Variants in TMEM87A observed in about 807,000 individuals in gnomAD.
The protein encoded by TMEM87A is transmembrane protein 87A.
TMEM87A carries 50 observed loss-of-function variants against 90.0 expected under a neutral mutation model. That is an observed-to-expected ratio of 0.56 (90% CI 0.44 to 0.70). The LOEUF (loss-of-function observed/expected upper bound fraction) is 0.70, where lower values mean the gene tolerates loss of function less well. Ranked by LOEUF, TMEM87A falls within the 30% of genes least tolerant of loss-of-function variation. TMEM87A has a pLI of 0.00. For missense variants in TMEM87A, 577 were observed against 660.5 expected, an observed-to-expected ratio of 0.87 and a Z score of 1.39; for synonymous variants, 226 against 226.7, an observed-to-expected ratio of 1.00 and a Z score of 0.03.
chr15:42,252,097 T>C (rs527487349), intron 6 of TMEM87A, among the ~76,000 whole-genome samples: 51 of 152,322 alleles, frequency 3.3e-4, no homozygotes, highest in Middle Eastern at 6.8e-3. Context: ...GCTAAGACTG[T>C]TGGAAAAATG....
intron 6 of TMEM87A, among the ~76,000 whole-genome samples, chr15:42,259,715 G>A (rs553797916): frequency 6.6e-6 from 1 of 152,282 alleles, no homozygotes; most frequent in African/African-American, 2.4e-5. Context: ...GCAGGGCTGT[G>A]CACACATGCC....
chr15:42,226,196 C>T (rs554020242), intron 15 of TMEM87A, among the ~76,000 whole-genome samples: 3 of 152,032 alleles, frequency 2.0e-5, no homozygotes, highest in South Asian at 4.2e-4. Flanking sequence ...GACGGGGTTC[C>T]GCCACGGTGG....
At chr15:42,233,366 GTAACAGGAACTTGTGT>G in intron 10 of TMEM87A, 60 bp from the exon 11 acceptor site, 1 of 1,291,808 alleles carries the variant, frequency 7.7e-7, no homozygotes, top group Non-Finnish European at 1.1e-6. Flanking sequence ...AACAAGCTAA[GTAACAGGAACTTGTGT>G]TAATTAATAT....
chr15:42,253,586 G>C (rs1346158329), intron 6 of TMEM87A, among the ~76,000 whole-genome samples: 1 of 152,124 alleles, frequency 6.6e-6, no homozygotes, highest in Non-Finnish European at 1.5e-5. Flanking sequence ...TTAAGAAAAA[G>C]GTCTGTATTA....
chr15:42,258,704 G>A (rs2051229212), intron 6 of TMEM87A: 5 of 1,252,344 alleles, frequency 4.0e-6, no homozygotes, highest in African/African-American at 1.5e-5. Context: ...TGGCATTACA[G>A]GCGTGAGCCA....
intron 19 of TMEM87A, among the ~76,000 whole-genome samples, chr15:42,216,101 G>A (rs2050378996): frequency 6.6e-6 from 1 of 152,196 alleles, no homozygotes; most frequent in Non-Finnish European, 1.5e-5. Context: ...GATAAATCTT[G>A]AAGACATTAT....
chr15:42,215,500 C>A (rs2663096), intron 19 of TMEM87A, among the ~76,000 whole-genome samples: 12,013 of 152,152 alleles, frequency 0.079, 1,286 homozygotes, highest in African/African-American at 0.22. Context: ...TGTATCTGAT[C>A]AGGGTTAATA....
At chr15:42,259,277 C>T (rs1159375060) in intron 6 of TMEM87A, among the ~76,000 whole-genome samples, 1 of 152,146 alleles carries the variant, frequency 6.6e-6, no homozygotes, top group Admixed American at 6.5e-5. Context: ...CGTGCACCAC[C>T]ACACCTGCCT....
rs766281638 is a variant in TMEM87A at position 42,233,272 on chromosome 15, C to A, written c.1003G>T (p.Val335Leu). Residue 335 changes from valine (V) to leucine (L), a missense_variant, in exon 11 of 20, where the codon GTA (valine) becomes TTA (leucine). Physicochemically the swap from Val to Leu is conservative, Grantham distance 32. Coordinates refer to ENST00000389834, the MANE Select transcript of TMEM87A (RefSeq NM_015497.5). ...RLGVTLHKVV[V>L]AGALYLLFSG... ...AACAAAAGATAGAGGGCTCCTGCTACTACAACCTTATGAAGAGTGACTCCA... is the reference window on the plus strand; with the variant it reads ...AACAAAAGATAGAGGGCTCCTGCTAATACAACCTTATGAAGAGTGACTCCA... 2 of 1,613,996 alleles carry A rather than the reference C, an allele frequency of 1.2e-6. No homozygotes were observed. Among genetic ancestry groups the A allele is most frequent in the Admixed American group, 3.3e-5 (2 of 60,016 alleles).
chr15:42,273,311 C>T lies in TMEM87A; in HGVS notation c.88G>A (p.Gly30Arg). The T allele has an allele frequency of 1.2e-6, 2 of 1,614,184 alleles. No homozygotes were observed. The highest frequency in any genetic ancestry group is 2.2e-5 in the East Asian group (1 of 44,880). The change falls in exon 1 of 20, where the codon GGA becomes AGA. Residue 30 changes from glycine to arginine, a missense_variant. Gly to Arg is a moderately radical substitution (Grantham distance 125). Transcript: ENST00000389834. ...HPSPLSFFSA[G>R]PATVAAADRS... ...TCGGCAGCAGCTACGGTTGCCGGTC[C>T]CGCACTGAAAAACGACAGTGGTGAC...
chr15:42,212,477 C>G (rs1052921329), intron 19 of TMEM87A, among the ~76,000 whole-genome samples: 2 of 152,226 alleles, frequency 1.3e-5, no homozygotes, highest in Middle Eastern at 3.4e-3. Context: ...GCTCTCTGTT[C>G]TCCACTCCAT....
intron 15 of TMEM87A, among the ~76,000 whole-genome samples, chr15:42,225,862 C>T (rs1357300385): frequency 1.3e-5 from 2 of 151,774 alleles, no homozygotes; most frequent in African/African-American, 4.8e-5. Flanking sequence ...ATATCTATCT[C>T]CCTTGTTTAC....
chr15:42,271,555 C>T (rs1364047947), intron 2 of TMEM87A: 1 of 152,078 alleles, frequency 6.6e-6, no homozygotes, highest in Non-Finnish European at 1.5e-5. Flanking sequence ...AAAAACTTAC[C>T]ATTGTGTTAC....
chr15:42,221,335 A>G (rs558810206), intron 15 of TMEM87A, among the ~76,000 whole-genome samples: 1 of 152,074 alleles, frequency 6.6e-6, no homozygotes, highest in East Asian at 1.9e-4. Context: ...GACAGAGGAA[A>G]AGGCAACAGC....
chr15:42,273,577 G>A, upstream of TMEM87A: 1 of 1,102,514 alleles, frequency 9.1e-7, no homozygotes, highest in Non-Finnish European at 1.3e-6. Context: ...TGAGACTTTG[G>A]ACCTACTGCG....
intron 7 of TMEM87A, among the ~76,000 whole-genome samples, chr15:42,240,985 A>T (rs2050856419): frequency 6.6e-6 from 1 of 152,238 alleles, no homozygotes; most frequent in African/African-American, 2.4e-5. Context: ...AAATCTGGCC[A>T]CCAGCTTTTT....
intron 7 of TMEM87A, 38 bp downstream of exon 7, chr15:42,244,012 G>T (rs539268143): frequency 2.4e-6 from 3 of 1,240,192 alleles, no homozygotes; most frequent in African/African-American, 1.6e-5. Context: ...GACATAACCA[G>T]ATAATAACAT....
chr15:42,227,761 C>T lies in TMEM87A; in HGVS notation c.1249G>A (p.Val417Met). ...TTCATGGTTGTCCAGATGATAAACA[C>T]AATGGATGCTAACAGTAAATGAAAA... ...TLILAVAASI[V>M]FIIWTTMKFR... Residue 417 changes from valine (V) to methionine (M), a missense_variant, in exon 14 of 20, where the codon GTG (valine) becomes ATG (methionine). Coordinates refer to ENST00000389834, the MANE Select transcript of TMEM87A (RefSeq NM_015497.5). 6.2e-7 allele frequency: 1 copy of T among 1,613,904 alleles called. No individual in the cohort carries two copies. Among genetic ancestry groups the T allele is most frequent in the Non-Finnish European group, 8.5e-7 (1 of 1,179,920 alleles).
intron 4 of TMEM87A, among the ~76,000 whole-genome samples, chr15:42,261,783 G>A (rs922812383): frequency 3.3e-5 from 5 of 151,950 alleles, no homozygotes; most frequent in African/African-American, 4.8e-5. Flanking sequence ...ACAGGTGCCC[G>A]CCACCATGCC....
Sources: allele counts gnomAD v4.1 joint callset (sites outside exome capture counted in the v4.1 genomes callset), GRCh38; gene constraint gnomAD v4.1.1; transcripts MANE v1.5; gene names NCBI Gene and HGNC (gene_info 2026-07-23, HGNC 2026-07-21).